Variants in PARM1 observed in about 807,000 individuals in gnomAD.
PARM1 encodes prostate androgen-regulated mucin-like protein 1.
PARM1 carries 14 observed loss-of-function variants against 24.6 expected under a neutral mutation model. That is an observed-to-expected ratio of 0.57 (90% CI 0.38 to 0.89). PARM1 has a LOEUF of 0.89. Ranked by LOEUF, PARM1 falls within the 40% of genes least tolerant of loss-of-function variation. The pLI is 0.00. For synonymous variants in PARM1, 179 were observed against 156.6 expected (o/e 1.14, Z -1.07); for missense variants, 362 against 380.4 (o/e 0.95, Z 0.40).
intron 1 of PARM1, among the ~76,000 whole-genome samples, chr4:74,978,022 A>C (rs538408440): frequency 6.6e-6 from 1 of 152,328 alleles, no homozygotes; most frequent in African/African-American, 2.4e-5. Context: ...ACACTGAGGT[A>C]TGCAGACCAA....
At chr4:74,989,932 T>A (rs1489376662) in intron 1 of PARM1, among the ~76,000 whole-genome samples, 1 of 152,132 alleles carries the variant, frequency 6.6e-6, no homozygotes, top group East Asian at 1.9e-4. Context: ...ATTGGTGGCC[T>A]CATCAGGAAT....
intron 1 of PARM1, among the ~76,000 whole-genome samples, chr4:75,001,660 C>T (rs1243231202): frequency 2.0e-5 from 3 of 152,072 alleles, no homozygotes; most frequent in Admixed American, 6.5e-5. Flanking sequence ...ATAAAAGAAA[C>T]CATGAAGTAT....
Position 74,980,468 on chromosome 4 carries a change from C to G in PARM1, c.44-31957C>G, listed in dbSNP as rs566239391. ...ACCACTTCTCAAGGAAATTAGGACACAAACAAATGGAAAAACATTATATGC... is the reference window on the plus strand; with the variant it reads ...ACCACTTCTCAAGGAAATTAGGACAGAAACAAATGGAAAAACATTATATGC... On this transcript the variant is annotated intron_variant, in intron 1 of 3. Transcript: ENST00000307428. Among the ~76,000 whole-genome samples the G allele has an allele frequency of 4.6e-5, 7 of 152,128 alleles. No homozygotes were observed. The South Asian group carries it at 1.0e-3, about 23-fold the overall frequency.
intron 1 of PARM1, chr4:74,999,194 G>A (rs4859932): frequency 0.14 from 22,049 of 152,256 alleles, 1,797 homozygotes; most frequent in East Asian, 0.35. Flanking sequence ...ATGATCCTCA[G>A]ATTCTAAGAA....
At chr4:75,036,074 G>T (rs1723364421) in intron 3 of PARM1, among the ~76,000 whole-genome samples, 1 of 152,020 alleles carries the variant, frequency 6.6e-6, no homozygotes, top group African/African-American at 2.4e-5. Flanking sequence ...AACATGTTCT[G>T]CCCCTCCTTC....
At chr4:74,952,522 G>A (rs1721546126) in intron 1 of PARM1, among the ~76,000 whole-genome samples, 1 of 152,180 alleles carries the variant, frequency 6.6e-6, no homozygotes, top group African/African-American at 2.4e-5. Context: ...CCATGCCTAT[G>A]TCCTGAATGG....
At chr4:74,941,606 A>T (rs1721311936) in intron 1 of PARM1, among the ~76,000 whole-genome samples, 1 of 152,232 alleles carries the variant, frequency 6.6e-6, no homozygotes, top group Non-Finnish European at 1.5e-5. Flanking sequence ...ATATGAATAT[A>T]GTATTTGTTT....
chr4:75,022,816 C>A lies in PARM1; in HGVS notation c.769+9666C>A, dbSNP rs141939556. Among the ~76,000 whole-genome samples the A allele has an allele frequency of 2.1e-3, 325 of 152,240 alleles. 2 individuals are homozygous for A. Among genetic ancestry groups the A allele is most frequent in the Admixed American group, 7.4e-3 (113 of 15,304 alleles). ...ATTTGGCAGGGAAATGAGAATGGAT[C>A]AACACCCTCCCATCATCTTTATCAG... On this transcript the variant is annotated intron_variant, in intron 2 of 3. Transcript: ENST00000307428.
At chr4:75,037,208 A>G (rs910713402) in intron 3 of PARM1, among the ~76,000 whole-genome samples, 2 of 152,170 alleles carry the variant, frequency 1.3e-5, no homozygotes, top group African/African-American at 4.8e-5. Flanking sequence ...ATTTCTAAAA[A>G]CAATAACATA....
At chr4:74,999,050 G>A (rs954730891) in intron 1 of PARM1, 3 of 152,194 alleles carry the variant, frequency 2.0e-5, no homozygotes, top group African/African-American at 4.8e-5. Flanking sequence ...TCTCATAGAC[G>A]AGAGGCAGCT....
At chr4:74,977,604 A>G (rs994099226) in intron 1 of PARM1, among the ~76,000 whole-genome samples, 2 of 152,228 alleles carry the variant, frequency 1.3e-5, no homozygotes, top group African/African-American at 4.8e-5. Context: ...CAAATCCTGG[A>G]AATTCAGAGA....
In PARM1 at chr4:75,012,833, C is replaced by A. The variant is rs2109794944; in HGVS notation, c.452C>A (p.Pro151His). 1 of 1,613,988 alleles carries A rather than the reference C, an allele frequency of 6.2e-7. No individual in the cohort carries two copies. The highest frequency in any genetic ancestry group is 8.5e-7 in the Non-Finnish European group (1 of 1,179,876). ...SAAEPPTLIS[P>H]QAPASSPSSL... The stretch of plus-strand genomic sequence containing the variant: ...GCTGAGCCTCCCACACTCATCTCCC[C>A]TCAAGCTCCAGCCTCATCACCCTCA... The change falls in exon 2 of 4, where the codon CCT becomes CAT. Residue 151 changes from proline (P) to histidine (H), a missense_variant. Physicochemically the swap from Pro to His is moderately conservative, Grantham distance 77 (BLOSUM62 -2). Coordinates refer to ENST00000307428, the MANE Select transcript of PARM1 (RefSeq NM_015393.4).
In PARM1 at chr4:75,039,333, C is replaced by T. The variant is rs555715947; in HGVS notation, c.848+5372C>T. Among the ~76,000 whole-genome samples the T allele has an allele frequency of 1.9e-4, 29 of 152,164 alleles. 1 individual carries two copies. The highest frequency in any genetic ancestry group is 6.8e-3 in the Middle Eastern group (2 of 294). On this transcript the variant is annotated intron_variant, in intron 3 of 3. Transcript: ENST00000307428. ...GATCATGAGGTCAGGAGATCGAGGCCATCCTGGCTAACACAGTGAAACCCC... is the reference window on the plus strand; with the variant it reads ...GATCATGAGGTCAGGAGATCGAGGCTATCCTGGCTAACACAGTGAAACCCC...
chr4:75,033,851 A>G (rs1047977033), intron 2 of PARM1, 32 bp from the exon 3 acceptor site: 15 of 1,562,718 alleles, frequency 9.6e-6, no homozygotes, highest in African/African-American at 1.4e-5. Flanking sequence ...ATCCTCATGT[A>G]TCTTCTTTTC....
intron 2 of PARM1, among the ~76,000 whole-genome samples, chr4:75,021,236 A>G (rs904817935): frequency 6.6e-6 from 1 of 152,224 alleles, no homozygotes; most frequent in African/African-American, 2.4e-5. Flanking sequence ...AAAATTGAAC[A>G]TCCTCACTGT....
intron 1 of PARM1, among the ~76,000 whole-genome samples, chr4:74,975,379 C>T (rs1247544484): frequency 1.3e-5 from 2 of 152,166 alleles, no homozygotes; most frequent in African/African-American, 4.8e-5. Context: ...TGAAGCTCCA[C>T]CTAGAAGTAG....
At chr4:75,020,019 A>G (rs1219728008) in intron 2 of PARM1, among the ~76,000 whole-genome samples, 3 of 132,418 alleles carry the variant, frequency 2.3e-5, no homozygotes, top group African/African-American at 8.2e-5. Flanking sequence ...CAAAAAAAAA[A>G]AAAAAAAAAA....
intron 1 of PARM1, among the ~76,000 whole-genome samples, chr4:74,953,823 C>A (rs1046754063): frequency 6.6e-6 from 1 of 152,156 alleles, no homozygotes; most frequent in Admixed American, 6.5e-5. Context: ...CCAGAGACAT[C>A]TGACTGAGGG....
chr4:74,946,999 G>A (rs1414137622), intron 1 of PARM1, among the ~76,000 whole-genome samples: 1 of 152,136 alleles, frequency 6.6e-6, no homozygotes, highest in Non-Finnish European at 1.5e-5. Flanking sequence ...ATTTTCTCTA[G>A]GGTTATTCCA....
Sources: allele counts gnomAD v4.1 joint callset (sites outside exome capture counted in the v4.1 genomes callset), GRCh38; gene constraint gnomAD v4.1.1; transcripts MANE v1.5; gene names NCBI Gene and HGNC (gene_info 2026-07-23, HGNC 2026-07-21).